Variants in SPAG16 observed in about 807,000 individuals in gnomAD.
SPAG16 encodes the protein sperm associated antigen 16, also known as sperm-associated antigen 16 protein.
SPAG16 carries 86 observed loss-of-function variants against 80.4 expected under a neutral mutation model. The ratio of observed to expected loss-of-function variants is 1.07; its 90% CI spans 0.90 to 1.28. SPAG16 has a LOEUF of 1.28. Among genes scored for constraint, SPAG16 ranks in the 50% most tolerant of loss-of-function variants. The pLI, the probability that SPAG16 is intolerant of heterozygous loss-of-function variation, is 0.00. For missense variants in SPAG16, 870 were observed against 765.3 expected (o/e 1.14, Z -1.61); for synonymous variants, 294 against 265.9 (o/e 1.11, Z -1.03).
intron 10 of SPAG16, among the ~76,000 whole-genome samples, chr2:213,617,286 C>T (rs2061629898): frequency 6.6e-6 from 1 of 152,134 alleles, no homozygotes; most frequent in African/African-American, 2.4e-5. Context: ...GATGATGGGC[C>T]TGGCACCATA....
chr2:213,366,447 C>G (rs1045297356), intron 8 of SPAG16, among the ~76,000 whole-genome samples: 1 of 151,978 alleles, frequency 6.6e-6, no homozygotes, highest in African/African-American at 2.4e-5. Flanking sequence ...AATGGACTCA[C>G]AGTTCCACAT....
At chr2:213,905,482 G>A (rs1202805703) in intron 11 of SPAG16, among the ~76,000 whole-genome samples, 1 of 152,184 alleles carries the variant, frequency 6.6e-6, no homozygotes, top group Non-Finnish European at 1.5e-5. Flanking sequence ...ACTTGAAGAA[G>A]TGTTTGAATT....
intron 15 of SPAG16, among the ~76,000 whole-genome samples, chr2:214,159,928 G>A (rs2056370403): frequency 6.6e-6 from 1 of 151,920 alleles, no homozygotes; most frequent in Non-Finnish European, 1.5e-5. Context: ...TGGTCTAACA[G>A]TGAGAATTAT....
At chr2:213,543,835 C>A (rs1457578700) in intron 10 of SPAG16, among the ~76,000 whole-genome samples, 2 of 152,010 alleles carry the variant, frequency 1.3e-5, no homozygotes, top group African/African-American at 4.8e-5. Flanking sequence ...CTAAAAAACA[C>A]TGTATTTGGA....
chr2:213,982,786 G>C (rs551761537), intron 12 of SPAG16, among the ~76,000 whole-genome samples: 2 of 151,940 alleles, frequency 1.3e-5, no homozygotes, highest in African/African-American at 4.8e-5. Context: ...TAACCTTGAA[G>C]TGGTCTGGAA....
intron 10 of SPAG16, among the ~76,000 whole-genome samples, chr2:213,749,793 A>C (rs1453923650): frequency 9.2e-5 from 14 of 152,010 alleles, no homozygotes; most frequent in Non-Finnish European, 2.9e-5. Flanking sequence ...TTAGGCTATA[A>C]ATTTATTTTA....
At chr2:213,697,779 C>T (rs1302086264) in intron 10 of SPAG16, among the ~76,000 whole-genome samples, 1 of 152,132 alleles carries the variant, frequency 6.6e-6, no homozygotes, top group Non-Finnish European at 1.5e-5. Flanking sequence ...TTCTTTCAGG[C>T]CATTTCCTGT....
rs191949410 is a variant in SPAG16 at position 214,222,361 on chromosome 2, C to T, written c.1720+73095C>T. Among the ~76,000 whole-genome samples the T allele has an allele frequency of 6.6e-5, 10 of 152,150 alleles. No individual in the cohort carries two copies. In the East Asian group the frequency reaches 1.6e-3, roughly 24 times the overall value. On this transcript the variant is annotated intron_variant, in intron 15 of 15. Transcript: ENST00000331683. ...TGAACTCCTGACCTCAGGTGATCCA[C>T]CCGCCTTGGCCTCCCAAAGTGCTGA...
chr2:213,460,070 A>G (rs1376697536), intron 9 of SPAG16, among the ~76,000 whole-genome samples: 1 of 152,162 alleles, frequency 6.6e-6, no homozygotes, highest in Non-Finnish European at 1.5e-5. Context: ...AAGTTGTTTT[A>G]TCTGGTCTTC....
At chr2:213,887,200 A>G (rs942420582) in intron 11 of SPAG16, among the ~76,000 whole-genome samples, 1 of 152,076 alleles carries the variant, frequency 6.6e-6, no homozygotes, top group Non-Finnish European at 1.5e-5. Flanking sequence ...TAACTAAACT[A>G]TAGACTTCAA....
At chr2:213,904,764 A>C (rs536112916) in intron 11 of SPAG16, among the ~76,000 whole-genome samples, 1 of 152,264 alleles carries the variant, frequency 6.6e-6, no homozygotes, top group Non-Finnish European at 1.5e-5. Flanking sequence ...TTCAGGAAGA[A>C]AGATAGCAAG....
intron 13 of SPAG16, among the ~76,000 whole-genome samples, chr2:214,091,754 A>C (rs901012250): frequency 6.6e-6 from 1 of 152,114 alleles, no homozygotes; most frequent in African/African-American, 2.4e-5. Context: ...ATCATTTTAC[A>C]TAAATAGGTT....
intron 10 of SPAG16, among the ~76,000 whole-genome samples, chr2:213,667,591 G>A (rs955487959): frequency 2.0e-5 from 3 of 152,188 alleles, no homozygotes; most frequent in Admixed American, 6.5e-5. Flanking sequence ...CAAAGTCAAA[G>A]AGATTGACGT....
rs1575581119 is a variant in SPAG16, at chr2:213,930,099, G to A, written c.1354G>A (p.Ala452Thr). The A allele has an allele frequency of 1.2e-6, 2 of 1,613,956 alleles. No homozygotes were observed. Among genetic ancestry groups the A allele is most frequent in the Non-Finnish European group, 1.7e-6 (2 of 1,179,936 alleles). The change falls in exon 12 of 16, where the codon GCT becomes ACT. Residue 452 changes from alanine (A) to threonine (T), a missense_variant. By Grantham distance (58) the Ala-to-Thr change is moderately conservative. Coordinates refer to ENST00000331683, the MANE Select transcript of SPAG16 (RefSeq NM_024532.5). ...CTWHSCGNFV[A>T]SSSLDKTSKI... is the part of the protein sequence containing the mutation. ...ATGGCACTCCTGCGGCAATTTTGTG[G>A]CTTCCTCCTCACTGGATAAAACTAG...
chr2:214,018,582 T>G (rs1054789008), intron 13 of SPAG16, among the ~76,000 whole-genome samples: 8 of 152,164 alleles, frequency 5.3e-5, no homozygotes, highest in Non-Finnish European at 1.0e-4. Context: ...CTGGCATGCT[T>G]CTTCTTTATA....
chr2:214,089,610 C>T (rs946629228), intron 13 of SPAG16, among the ~76,000 whole-genome samples: 2 of 151,972 alleles, frequency 1.3e-5, no homozygotes, highest in African/African-American at 2.4e-5. Flanking sequence ...CTCATTCTAA[C>T]CTATATTCCA....
intron 12 of SPAG16, among the ~76,000 whole-genome samples, chr2:213,935,875 T>C (rs1181396228): frequency 2.6e-5 from 4 of 152,172 alleles, no homozygotes; most frequent in Non-Finnish European, 4.4e-5. Context: ...TAAGCTATAA[T>C]AGTGAAAAAC....
At chr2:213,308,681 T>C (rs1274812457) in intron 3 of SPAG16, among the ~76,000 whole-genome samples, 1 of 152,172 alleles carries the variant, frequency 6.6e-6, no homozygotes, top group Non-Finnish European at 1.5e-5. Context: ...TACAGCTTGC[T>C]ACATTCCAAG....
At chr2:214,391,974 C>T (rs992249692) in intron 15 of SPAG16, among the ~76,000 whole-genome samples, 7 of 152,166 alleles carry the variant, frequency 4.6e-5, no homozygotes, top group African/African-American at 1.7e-4. Context: ...GAACACAACG[C>T]AGAGATTTGG....
Sources: gnomAD v4.1 joint callset for allele counts (sites outside exome capture counted in the v4.1 genomes callset) on GRCh38, gnomAD v4.1.1 for gene constraint, MANE v1.5 for transcripts, NCBI Gene and HGNC (gene_info 2026-07-23, HGNC 2026-07-21) for gene names.